WWTR1: variants seen among roughly 807,000 people sequenced by gnomAD.
WWTR1 encodes the protein WW domain containing transcription regulator 1.
WWTR1 carries 13 observed loss-of-function variants against 40.1 expected under a neutral mutation model. The observed-to-expected ratio is 0.32, with a 90% CI of 0.21 to 0.52. The LOEUF is 0.52. Among genes scored for constraint, WWTR1 ranks in the 20% least tolerant of loss-of-function variants. The probability of loss-of-function intolerance (pLI) is 0.97; values close to 1 mark genes in which losing one functional copy is unlikely to be tolerated. For missense variants in WWTR1, 436 were observed against 523.1 expected (o/e 0.83, Z 1.63); for synonymous variants, 230 against 210.1 (o/e 1.09, Z -0.82).
At chr3:149,616,148 C>T (rs776918902) in intron 2 of WWTR1, among the ~76,000 whole-genome samples, 1 of 152,130 alleles carries the variant, frequency 6.6e-6, no homozygotes, top group South Asian at 2.1e-4. Flanking sequence ...ACTCAGCCAC[C>T]GGCATTTTTT....
At chr3:149,679,767 AG>A (rs1393068554) in intron 1 of WWTR1, among the ~76,000 whole-genome samples, 1 of 152,180 alleles carries the variant, frequency 6.6e-6, no homozygotes, top group Non-Finnish European at 1.5e-5. Context: ...AAAACCTCTC[AG>A]GTGGAATAAT....
At chr3:149,698,679 T>C (rs1715072778) in intron 1 of WWTR1, among the ~76,000 whole-genome samples, 1 of 152,178 alleles carries the variant, frequency 6.6e-6, no homozygotes, top group African/African-American at 2.4e-5. Context: ...TTTCCATATA[T>C]CCAGAATCTA....
chr3:149,562,022 G>A lies in WWTR1; in HGVS notation c.568+10842C>T, dbSNP rs74702597. Among the ~76,000 whole-genome samples the A allele has an allele frequency of 3.7e-4, 57 of 152,194 alleles. No individual in the cohort carries two copies. The East Asian group carries it at 9.8e-3, about 26-fold the overall frequency. On this transcript the variant is annotated intron_variant, in intron 3 of 6. Transcript: ENST00000360632. Reference sequence around the variant, plus strand: ...ATAGAAAAATATTTACTGGCCAGGCGCAGTTGCTTACACCTGTAATCCCAA... The same window carrying A: ...ATAGAAAAATATTTACTGGCCAGGCACAGTTGCTTACACCTGTAATCCCAA...
intron 2 of WWTR1, among the ~76,000 whole-genome samples, chr3:149,628,670 A>G (rs559039512): frequency 6.6e-6 from 1 of 152,336 alleles, no homozygotes; most frequent in Non-Finnish European, 1.5e-5. Flanking sequence ...TTCAGACTTT[A>G]GTACCAAGAA....
At chr3:149,641,815 T>C (rs1576616715) in intron 2 of WWTR1, among the ~76,000 whole-genome samples, 1 of 152,238 alleles carries the variant, frequency 6.6e-6, no homozygotes, top group Non-Finnish European at 1.5e-5. Context: ...GAACAATGTT[T>C]CCACTGTGTA....
At position 149,709,045 on chromosome 3, in the gene WWTR1, C is replaced by T. The variant is rs188922636; in HGVS notation, n.585-5717G>A. Among the ~76,000 whole-genome samples, 73 of 152,002 alleles carry T rather than the reference C, an allele frequency of 4.8e-4. No homozygotes were observed. In the East Asian group the frequency reaches 5.2e-3, roughly 11 times the overall value. ...TTCTTGAGACACGGTCTCGCTCTGC[C>T]ACCCACTGCAACCTCTGCCTCCCGG... On this transcript the variant is annotated intron_variant and non_coding_transcript_variant, in intron 5 of 6. Transcript: ENST00000474080.
intron 2 of WWTR1, among the ~76,000 whole-genome samples, chr3:149,578,710 G>A (rs34468416): frequency 1.3e-5 from 2 of 151,856 alleles, no homozygotes; most frequent in Admixed American, 6.6e-5. Context: ...CTAGCCTGGC[G>A]AACATGGAGA....
chr3:149,547,291 G>A (rs546378627), intron 3 of WWTR1, among the ~76,000 whole-genome samples: 1 of 149,912 alleles, frequency 6.7e-6, no homozygotes, highest in East Asian at 2.0e-4. Context: ...TTGGGAGGTC[G>A]AGGCAGATGG....
At chr3:149,710,033 C>T (rs956648078) in intron 5 of WWTR1, among the ~76,000 whole-genome samples, 1 of 152,180 alleles carries the variant, frequency 6.6e-6, no homozygotes, top group African/African-American at 2.4e-5. Flanking sequence ...TTAGTTTTGT[C>T]ATGGTGCATC....
rs1042074233 is a variant in WWTR1, at chr3:149,640,485, A to G, written c.431+16391T>C. 5.9e-5 allele frequency among the ~76,000 whole-genome samples: 9 copies of G among 152,238 alleles called. No homozygotes were observed. The South Asian group carries it at 1.9e-3, about 32-fold the overall frequency. On this transcript the variant is annotated intron_variant, in intron 2 of 6. Transcript: ENST00000360632. ...CCCAAAGCTGAAATGCAGTGCCCCA[A>G]TCTTGGCTCACTGCAACCTCTGCCT...
chr3:149,670,744 A>T (rs1714056757), intron 1 of WWTR1: 1 of 152,190 alleles, frequency 6.6e-6, no homozygotes, highest in South Asian at 2.1e-4. Context: ...AAAAAAAAGA[A>T]GTCAATTCTC....
intron 1 of WWTR1, chr3:149,701,894 C>A (rs1715191710): frequency 1.1e-5 from 2 of 177,862 alleles, no homozygotes; most frequent in Admixed American, 6.3e-5. Context: ...CCCCTTCCCC[C>A]CAGCCTTTGC....
rs762268907 is a variant in WWTR1 at position 149,573,006 on chromosome 3, A to G, written c.432-6T>C. On this transcript the variant is annotated splice_region_variant and splice_polypyrimidine_tract_variant and intron_variant, in intron 2 of 6. Coordinates refer to ENST00000360632, the MANE Select transcript of WWTR1 (RefSeq NM_015472.6). ...TGGTGATTTTTTCTATGTGACTAAA[A>G]GAAGGAAAACAATTAATTATCTTTT... 6.3e-7 allele frequency: 1 copy of G among 1,583,900 alleles called. No individual in the cohort carries two copies. The highest frequency in any genetic ancestry group is 8.5e-7 in the Non-Finnish European group (1 of 1,171,492).
At position 149,520,522 on chromosome 3, in the gene WWTR1, GAGAAA is replaced by G. The variant is rs1734993857; in HGVS notation, c.*278_*282del. 3.7e-6 allele frequency: 1 copy of G among 267,496 alleles called. No homozygotes were observed. The highest frequency in any genetic ancestry group is 6.9e-6 in the Non-Finnish European group (1 of 144,516). The allele number at this position is 267,496 out of a possible 1,614,324, so 16.6% of individuals were successfully genotyped here. On this transcript the variant is annotated 3_prime_UTR_variant, in exon 7 of 7. Transcript: ENST00000360632. Reference sequence around the variant, plus strand: ...TAGCCATGGGGCAGCAGAGAAGAAAGAGAAAAGTATTCTGCATAATCAATCCTGCA... The same window carrying G: ...TAGCCATGGGGCAGCAGAGAAGAAAGAGTATTCTGCATAATCAATCCTGCA...
At chr3:149,666,915 A>G (rs143274928) in intron 2 of WWTR1, among the ~76,000 whole-genome samples, 1 of 152,244 alleles carries the variant, frequency 6.6e-6, no homozygotes, top group African/African-American at 2.4e-5. Context: ...TTTTAAAGGC[A>G]TTTTTCCTCC....
chr3:149,625,354 G>C (rs1282318996), intron 2 of WWTR1, among the ~76,000 whole-genome samples: 3 of 151,642 alleles, frequency 2.0e-5, no homozygotes, highest in South Asian at 2.1e-4. Flanking sequence ...TCCTGACCTC[G>C]TGATCCACCC....
intron 6 of WWTR1, among the ~76,000 whole-genome samples, chr3:149,523,817 T>C (rs1338559404): frequency 6.6e-6 from 1 of 152,198 alleles, no homozygotes; most frequent in Non-Finnish European, 1.5e-5. Flanking sequence ...TACTGTATAA[T>C]TAACATTTCT....
chr3:149,688,662 C>A (rs950600383), intron 1 of WWTR1, among the ~76,000 whole-genome samples: 2 of 152,092 alleles, frequency 1.3e-5, no homozygotes, highest in Non-Finnish European at 2.9e-5. Flanking sequence ...AAAACATTCT[C>A]GAGAAATGTG....
chr3:149,666,728 C>T (rs999748644), intron 2 of WWTR1, among the ~76,000 whole-genome samples: 13 of 152,158 alleles, frequency 8.5e-5, no homozygotes, highest in African/African-American at 2.9e-4. Context: ...TTATGTCTTG[C>T]CAAAGGCCAT....
Sources: gnomAD v4.1 joint callset for allele counts (sites outside exome capture counted in the v4.1 genomes callset) on GRCh38, gnomAD v4.1.1 for gene constraint, MANE v1.5 for transcripts, NCBI Gene and HGNC (gene_info 2026-07-23, HGNC 2026-07-21) for gene names.